The following DLG2 variants were observed in gnomAD, a reference collection of about 807,000 sequenced individuals.
The protein encoded by DLG2 is disks large homolog 2.
DLG2 carries 45 observed loss-of-function variants against 132.5 expected under a neutral mutation model. That is an observed-to-expected ratio of 0.34 (90% CI 0.27 to 0.44). DLG2 has a LOEUF of 0.44. Among genes scored for constraint, DLG2 ranks in the 20% least tolerant of loss-of-function variants. The pLI, the probability that DLG2 is intolerant of heterozygous loss-of-function variation, is 1.00. For missense variants in DLG2, 1,045 were observed against 1,196.9 expected (o/e 0.87, Z 1.87); for synonymous variants, 424 against 419.6 (o/e 1.01, Z -0.13).
At chr11:83,513,004 A>G (rs1174849352) in intron 21 of DLG2, among the ~76,000 whole-genome samples, 1 of 152,144 alleles carries the variant, frequency 6.6e-6, no homozygotes, top group East Asian at 1.9e-4. Flanking sequence ...CTGTGCATCT[A>G]TCTTTATAGC....
intron 9 of DLG2, among the ~76,000 whole-genome samples, chr11:84,102,592 A>G (rs2092622488): frequency 6.6e-6 from 1 of 152,116 alleles, no homozygotes. Flanking sequence ...ACTACTCTGT[A>G]AGGGATAGAG....
At chr11:83,561,705 TC>T (rs2096612122) in intron 19 of DLG2, among the ~76,000 whole-genome samples, 1 of 152,154 alleles carries the variant, frequency 6.6e-6, no homozygotes, top group South Asian at 2.1e-4. Flanking sequence ...GCAATGTTAT[TC>T]CCTTTGATTT....
chr11:83,459,894 A>G lies in DLG2; in HGVS notation c.2852T>C (p.Ile951Thr). ...AATAACAAGCTTGCATTGGTTATAT[A>G]TATCTTCTAAAGTATCTCCTTGGAC... is the stretch of plus-strand genomic sequence containing the variant. ...AIVQGDTLED[I>T]YNQCKLVIEE... The change falls in exon 28 of 28, where the codon ATA becomes ACA. Residue 951 changes from isoleucine (I) to threonine (T), a missense_variant. Coordinates refer to ENST00000376104, the MANE Select transcript of DLG2 (RefSeq NM_001142699.3). The G allele has an allele frequency of 6.2e-7, 1 of 1,607,062 alleles. No homozygotes were observed. Among genetic ancestry groups the G allele is most frequent in the South Asian group, 1.1e-5 (1 of 90,924 alleles).
chr11:85,561,080 G>T (rs1042669998), intron 3 of DLG2, among the ~76,000 whole-genome samples: 4 of 151,058 alleles, frequency 2.6e-5, no homozygotes, highest in African/African-American at 7.3e-5. Context: ...GTAAGGCCAG[G>T]CATGGTGGCT....
chr11:84,323,943 T>C (rs138033016), intron 7 of DLG2, among the ~76,000 whole-genome samples: 1 of 152,216 alleles, frequency 6.6e-6, no homozygotes, highest in African/African-American at 2.4e-5. Context: ...GAGTACCTTA[T>C]CTATTTTGGA....
intron 6 of DLG2, among the ~76,000 whole-genome samples, chr11:85,012,568 A>G (rs983443197): frequency 2.6e-5 from 4 of 152,116 alleles, no homozygotes; most frequent in Non-Finnish European, 5.9e-5. Context: ...AATTACAAAT[A>G]TAATTATTAT....
intron 11 of DLG2, among the ~76,000 whole-genome samples, chr11:84,057,045 G>T (rs2096514512): frequency 6.6e-6 from 1 of 152,054 alleles, no homozygotes; most frequent in African/African-American, 2.4e-5. Flanking sequence ...CTTTAACTGG[G>T]TTATTGCCTA....
intron 8 of DLG2, among the ~76,000 whole-genome samples, chr11:84,244,708 T>C (rs2097279675): frequency 6.6e-6 from 1 of 152,152 alleles, no homozygotes; most frequent in South Asian, 2.1e-4. Context: ...GATGAAAACA[T>C]TAACAATATA....
At chr11:84,934,105 C>A (rs1359895882) in intron 6 of DLG2, among the ~76,000 whole-genome samples, 1 of 152,088 alleles carries the variant, frequency 6.6e-6, no homozygotes, top group Non-Finnish European at 1.5e-5. Flanking sequence ...TTATTGAAAT[C>A]CTCTTCTGCA....
At chr11:84,938,758 G>A (rs1448871929) in intron 6 of DLG2, among the ~76,000 whole-genome samples, 1 of 152,174 alleles carries the variant, frequency 6.6e-6, no homozygotes, top group Admixed American at 6.5e-5. Flanking sequence ...TTCGCCAGGG[G>A]TGTCTAACTG....
At chr11:83,769,179 G>A (rs769085710) in intron 18 of DLG2, among the ~76,000 whole-genome samples, 120 of 152,242 alleles carry the variant, frequency 7.9e-4, no homozygotes, top group Non-Finnish European at 1.1e-3. Flanking sequence ...TCATGATGGT[G>A]TAGAGCAAAA....
intron 6 of DLG2, among the ~76,000 whole-genome samples, chr11:84,986,484 C>G (rs971895057): frequency 6.6e-6 from 1 of 152,080 alleles, no homozygotes; most frequent in South Asian, 2.1e-4. Flanking sequence ...AAGAAGACTA[C>G]AGACCAATAT....
At chr11:84,902,485 T>C (rs891298714) in intron 6 of DLG2, among the ~76,000 whole-genome samples, 2 of 152,180 alleles carry the variant, frequency 1.3e-5, no homozygotes, top group Non-Finnish European at 2.9e-5. Flanking sequence ...AAGTGCATTA[T>C]CACTCAAAGT....
At chr11:84,949,039 G>GC (rs1209039697) in intron 6 of DLG2, among the ~76,000 whole-genome samples, 1 of 152,086 alleles carries the variant, frequency 6.6e-6, no homozygotes, top group Non-Finnish European at 1.5e-5. Flanking sequence ...CGGAGGACCC[G>GC]CCCCGAAAAT....
chr11:85,015,681 A>C (rs1435694808), intron 6 of DLG2, among the ~76,000 whole-genome samples: 2 of 152,278 alleles, frequency 1.3e-5, no homozygotes, highest in East Asian at 3.9e-4. Flanking sequence ...ACTTTCCCAA[A>C]TAAATCTATA....
At chr11:83,735,503 G>A (rs374871982) in intron 18 of DLG2, among the ~76,000 whole-genome samples, 1 of 152,084 alleles carries the variant, frequency 6.6e-6, no homozygotes, top group African/African-American at 2.4e-5. Flanking sequence ...ATTTAATTTA[G>A]GTTTACCATT....
chr11:85,399,535 A>G (rs2087812261), intron 3 of DLG2, among the ~76,000 whole-genome samples: 1 of 152,280 alleles, frequency 6.6e-6, no homozygotes, highest in South Asian at 2.1e-4. Context: ...AAACTATACT[A>G]CAAGGCTACA....
At chr11:85,428,514 C>T (rs190953119) in intron 3 of DLG2, among the ~76,000 whole-genome samples, 99 of 152,332 alleles carry the variant, frequency 6.5e-4, no homozygotes, top group Non-Finnish European at 1.2e-3. Flanking sequence ...GAACAACCTG[C>T]TCCTGTATGA....
intron 6 of DLG2, among the ~76,000 whole-genome samples, chr11:84,886,567 T>C (rs1229672971): frequency 6.6e-6 from 1 of 152,122 alleles, no homozygotes; most frequent in East Asian, 1.9e-4. Flanking sequence ...CATGAGATCA[T>C]TTATATTTGT....
Sources: gnomAD v4.1 joint callset for allele counts (sites outside exome capture counted in the v4.1 genomes callset) on GRCh38, gnomAD v4.1.1 for gene constraint, MANE v1.5 for transcripts, NCBI Gene and HGNC (gene_info 2026-07-23, HGNC 2026-07-21) for gene names.